Variants in GRIN2A observed in about 807,000 individuals in gnomAD.
GRIN2A encodes the protein glutamate ionotropic receptor NMDA type subunit 2A, also known as glutamate receptor ionotropic, NMDA 2A.
Under a neutral mutation model 113.4 loss-of-function variants are expected in GRIN2A, and 22 were observed. That is an observed-to-expected ratio of 0.19 (90% CI 0.14 to 0.28). The LOEUF is 0.28. GRIN2A is among the 10% of genes least tolerant of loss of function. GRIN2A has a pLI of 1.00. For synonymous variants in GRIN2A, 827 were observed against 738.4 expected (o/e 1.12, Z -1.94); for missense variants, 1,502 against 1,887.0 (o/e 0.80, Z 3.78).
At chr16:9,873,543 AAAC>A (rs71402407) in intron 4 of GRIN2A, among the ~76,000 whole-genome samples, 48,724 of 147,866 alleles carry the variant, frequency 0.33, 8,993 homozygotes, top group African/African-American at 0.54. Flanking sequence ...CATCTCTAAA[AAAC>A]AACAACAACA....
intron 2 of GRIN2A, among the ~76,000 whole-genome samples, chr16:10,076,139 C>T (rs1567280968): frequency 6.6e-6 from 1 of 152,192 alleles, no homozygotes; most frequent in Non-Finnish European, 1.5e-5. Flanking sequence ...AGCCCAGCAC[C>T]TGGGACATCA....
At chr16:10,000,933 G>A (rs2046309983) in intron 2 of GRIN2A, among the ~76,000 whole-genome samples, 1 of 152,142 alleles carries the variant, frequency 6.6e-6, no homozygotes, top group African/African-American at 2.4e-5. Context: ...GGCCCAGGAA[G>A]TTTGTCCTGC....
chr16:9,883,872 G>A (rs1042244315), intron 4 of GRIN2A, among the ~76,000 whole-genome samples: 1 of 152,158 alleles, frequency 6.6e-6, no homozygotes, highest in Non-Finnish European at 1.5e-5. Flanking sequence ...GAGCGAGAAT[G>A]GGACATTTCC....
intron 3 of GRIN2A, among the ~76,000 whole-genome samples, chr16:9,894,329 A>G (rs570139804): frequency 6.6e-6 from 1 of 152,350 alleles, no homozygotes; most frequent in East Asian, 1.9e-4. Context: ...GATTTTAAGT[A>G]GAGGAGTGAT....
chr16:9,780,610 A>G (rs1472233637), intron 11 of GRIN2A, among the ~76,000 whole-genome samples: 3 of 152,248 alleles, frequency 2.0e-5, no homozygotes. Context: ...TAGTGGTCAC[A>G]TTTTATAGCT....
At chr16:10,171,562 G>C (rs2050042332) in intron 2 of GRIN2A, 1 of 152,154 alleles carries the variant, frequency 6.6e-6, no homozygotes, top group South Asian at 2.1e-4. Context: ...GATTGTCTCA[G>C]TTAAGAAAAT....
intron 2 of GRIN2A, among the ~76,000 whole-genome samples, chr16:10,072,803 T>C (rs963415631): frequency 3.9e-5 from 6 of 152,006 alleles, no homozygotes; most frequent in African/African-American, 1.2e-4. Flanking sequence ...ATCTGGGTGA[T>C]TGTCTGTGCT....
intron 2 of GRIN2A, among the ~76,000 whole-genome samples, chr16:10,019,060 CAA>C (rs36165422): frequency 5.7e-5 from 7 of 123,778 alleles, no homozygotes; most frequent in African/African-American, 8.7e-5. Context: ...TGTTGATCTC[CAA>C]AAAAAAAAAA....
chr16:10,109,955 G>A (rs1357773676), intron 2 of GRIN2A, among the ~76,000 whole-genome samples: 2 of 151,896 alleles, frequency 1.3e-5, no homozygotes, highest in South Asian at 4.2e-4. Flanking sequence ...CAATGTGCAG[G>A]TTAGTTACAT....
At chr16:9,964,843 A>G (rs550041654) in intron 2 of GRIN2A, among the ~76,000 whole-genome samples, 1 of 152,324 alleles carries the variant, frequency 6.6e-6, no homozygotes, top group Middle Eastern at 3.4e-3. Flanking sequence ...TCCCCTTTAC[A>G]CTATAAGCAA....
At chr16:9,843,352 C>T (rs1285490132) in intron 5 of GRIN2A, among the ~76,000 whole-genome samples, 2 of 152,092 alleles carry the variant, frequency 1.3e-5, no homozygotes, top group Non-Finnish European at 2.9e-5. Flanking sequence ...TTTTAAGAGA[C>T]ACGCTCTTGC....
At chr16:9,767,469 A>G (rs1232919403) in intron 12 of GRIN2A, among the ~76,000 whole-genome samples, 1 of 152,124 alleles carries the variant, frequency 6.6e-6, no homozygotes, top group South Asian at 2.1e-4. Flanking sequence ...TTTGTTACAT[A>G]TGTATACATG....
intron 2 of GRIN2A, among the ~76,000 whole-genome samples, chr16:10,070,415 A>C (rs1447836274): frequency 6.6e-6 from 1 of 152,168 alleles, no homozygotes; most frequent in African/African-American, 2.4e-5. Flanking sequence ...ACCAAATCCC[A>C]GGTGATTTGT....
At chr16:10,114,950 A>G (rs2142160137) in intron 2 of GRIN2A, among the ~76,000 whole-genome samples, 1 of 152,368 alleles carries the variant, frequency 6.6e-6, no homozygotes, top group East Asian at 1.9e-4. Context: ...TCCTGAAAAC[A>G]TGGAAGAACT....
At chr16:10,022,040 T>C (rs1420123288) in intron 2 of GRIN2A, among the ~76,000 whole-genome samples, 1 of 152,192 alleles carries the variant, frequency 6.6e-6, no homozygotes, top group African/African-American at 2.4e-5. Context: ...TGTTCCTCCA[T>C]GTCCCACCTT....
At chr16:10,075,365 C>G (rs912494077) in intron 2 of GRIN2A, among the ~76,000 whole-genome samples, 8 of 151,976 alleles carry the variant, frequency 5.3e-5, no homozygotes, top group Admixed American at 2.0e-4. Flanking sequence ...TTGTATGCCT[C>G]TACTTATATG....
chr16:9,821,560 G>A (rs531298635), intron 10 of GRIN2A, among the ~76,000 whole-genome samples: 1 of 152,228 alleles, frequency 6.6e-6, no homozygotes, highest in African/African-American at 2.4e-5. Context: ...CTCACATTTA[G>A]GTACTGTCTA....
chr16:9,856,786 G>A (rs766125319), intron 4 of GRIN2A, among the ~76,000 whole-genome samples: 53 of 152,002 alleles, frequency 3.5e-4, no homozygotes, highest in Admixed American at 8.5e-4. Context: ...CTGAGGCATG[G>A]GGTTTAAGTA....
chr16:10,051,818 G>A (rs1367798041), intron 2 of GRIN2A, among the ~76,000 whole-genome samples: 1 of 152,218 alleles, frequency 6.6e-6, no homozygotes, highest in African/African-American at 2.4e-5. Flanking sequence ...TCTCTGCCAG[G>A]CTGGCCTGCT....
Sources: allele counts gnomAD v4.1 joint callset (sites outside exome capture counted in the v4.1 genomes callset), GRCh38; gene constraint gnomAD v4.1.1; transcripts MANE v1.5; gene names NCBI Gene and HGNC (gene_info 2026-07-23, HGNC 2026-07-21).